The following HIPK1 variants were observed in gnomAD, a reference collection of about 807,000 sequenced individuals.
The protein encoded by HIPK1 is homeodomain interacting protein kinase 1.
HIPK1 carries 28 observed loss-of-function variants against 117.1 expected under a neutral mutation model. The ratio of observed to expected loss-of-function variants is 0.24; its 90% CI spans 0.18 to 0.33. The LOEUF is 0.33. Ranked by LOEUF, HIPK1 falls within the 10% of genes least tolerant of loss-of-function variation. The probability of loss-of-function intolerance (pLI) is 1.00; values close to 1 mark genes in which losing one functional copy is unlikely to be tolerated. For synonymous variants in HIPK1, 605 were observed against 562.5 expected (o/e 1.08, Z -1.07); for missense variants, 1,122 against 1,475.1 (o/e 0.76, Z 3.92).
chr1:113,975,721 G>A lies in HIPK1; in HGVS notation c.*2209G>A, dbSNP rs999561847. On this transcript the variant is annotated 3_prime_UTR_variant, in exon 16 of 16. Transcript: ENST00000426820. Reference sequence around the variant, plus strand: ...AACTCACAGAAAGGTTTCTTAGCTGGTGAAGAATATAGAGAAGGAACCAAA... The same window carrying A: ...AACTCACAGAAAGGTTTCTTAGCTGATGAAGAATATAGAGAAGGAACCAAA... 6.5e-6 allele frequency: 1 copy of A among 152,746 alleles called. No individual in the cohort carries two copies. Among genetic ancestry groups the A allele is most frequent in the Non-Finnish European group, 1.5e-5 (1 of 68,044 alleles). The allele number at this position is 152,746 out of a possible 1,614,324, so 9.5% of individuals were successfully genotyped here.
At chr1:113,930,172 G>A (rs1669767660) in intron 1 of HIPK1, among the ~76,000 whole-genome samples, 1 of 152,222 alleles carries the variant, frequency 6.6e-6, no homozygotes, top group African/African-American at 2.4e-5. Flanking sequence ...GGTTTTCGGG[G>A]CAACTCCCCC....
In HIPK1 at chr1:113,973,068, C is replaced by T. The variant is rs547947532; in HGVS notation, c.3189C>T (p.Ser1063=). 20 of 1,524,146 alleles carry T rather than the reference C, an allele frequency of 1.3e-5. No homozygotes were observed. The highest frequency in any genetic ancestry group is 6.6e-5 in the Admixed American group (3 of 45,672). The allele number at this position is 1,524,146 out of a possible 1,614,324, so 94.4% of individuals were successfully genotyped here. Residue 1063 remains serine (S), a synonymous_variant, in exon 16 of 16, where the codon AGC becomes AGT. Coordinates refer to ENST00000426820, the MANE Select transcript of HIPK1 (RefSeq NM_198268.3). ...SAAPTSQERS[S]NPAPRRQQAF... ...CTCCAACCTCACAGGAGAGAAGCAG[C>T]AACCCAGCCCCCCGCAGGCAGCAGG...
intron 11 of HIPK1, among the ~76,000 whole-genome samples, chr1:113,966,905 C>T (rs1296352053): frequency 1.3e-5 from 2 of 151,464 alleles, no homozygotes; most frequent in Admixed American, 6.6e-5. Flanking sequence ...CTCTTACCAG[C>T]CTCTGGTAAC....
chr1:113,963,524 A>G lies in HIPK1; in HGVS notation c.2238+3A>G. ...TTGAACAGACTGCCGCTGTACTGGT[A>G]ATTCCCCTCACTTGATTGTGTTACT... On this transcript the variant is annotated splice_donor_region_variant and intron_variant, in intron 10 of 15. Coordinates refer to ENST00000426820, the MANE Select transcript of HIPK1 (RefSeq NM_198268.3). The G allele has an allele frequency of 6.2e-7, 1 of 1,609,160 alleles. No homozygotes were observed. Among genetic ancestry groups the G allele is most frequent in the Non-Finnish European group, 8.5e-7 (1 of 1,178,440 alleles).
chr1:113,945,581 G>C (rs1383622006), intron 2 of HIPK1, among the ~76,000 whole-genome samples: 2 of 152,224 alleles, frequency 1.3e-5, no homozygotes, highest in Non-Finnish European at 2.9e-5. Context: ...CATTTGCTAA[G>C]AAGATTGTCC....
chr1:113,932,337 G>A (rs1418246048), intron 1 of HIPK1: 2 of 150,728 alleles, frequency 1.3e-5, no homozygotes, highest in Non-Finnish European at 2.9e-5. Flanking sequence ...ACTCATTAGC[G>A]CTGGGTAAAA....
chr1:113,958,321 T>C, intron 8 of HIPK1, 30 bp downstream of exon 8: 1 of 1,494,346 alleles, frequency 6.7e-7, no homozygotes, highest in Non-Finnish European at 9.3e-7. Flanking sequence ...TATCATATGG[T>C]ATTGTATCAG....
intron 8 of HIPK1, among the ~76,000 whole-genome samples, chr1:113,961,585 A>C (rs1344318211): frequency 1.3e-5 from 2 of 152,220 alleles, no homozygotes; most frequent in African/African-American, 4.8e-5. Context: ...ACTAAAAGTT[A>C]TACTTAAGCC....
chr1:113,929,641 C>T (rs547484163), intron 1 of HIPK1, 109 bp downstream of exon 1: 29 of 1,049,098 alleles, frequency 2.8e-5, no homozygotes, highest in Admixed American at 5.2e-5. Flanking sequence ...ACAACGGCGG[C>T]TGCGGAGCAA....
chr1:113,958,138 C>T lies in HIPK1; in HGVS notation c.1828C>T (p.Leu610=), dbSNP rs1671848779. 6.2e-7 allele frequency: 1 copy of T among 1,614,180 alleles called. No homozygotes were observed. Among genetic ancestry groups the T allele is most frequent in the Non-Finnish European group, 8.5e-7 (1 of 1,180,008 alleles). The change falls in exon 8 of 16, where the codon CTA becomes TTA. Residue 610 remains leucine, a synonymous_variant. Transcript: ENST00000426820. ...LSLANSDVSL[L]NYQSALYPSS... ...TCTGGCTAATTCAGATGTCTCACTA[C>T]TAAACTACCAGTCAGCTTTGTACCC...
At chr1:113,952,922 C>T (rs769499466) in intron 3 of HIPK1, 33 bp downstream of exon 3, 9 of 1,434,668 alleles carry the variant, frequency 6.3e-6, no homozygotes. Context: ...AAATAGAATG[C>T]AAATAGTTAC....
intron 2 of HIPK1, among the ~76,000 whole-genome samples, chr1:113,944,537 G>A (rs1394319471): frequency 8.0e-5 from 12 of 150,002 alleles, no homozygotes; most frequent in Non-Finnish European, 1.6e-4. Context: ...AGGCTGGAGT[G>A]CAGTGGCACA....
chr1:113,957,191 C>A lies in HIPK1; in HGVS notation c.1660C>A (p.Gln554Lys). 1 of 1,613,160 alleles carries A rather than the reference C, an allele frequency of 6.2e-7. No individual in the cohort carries two copies. The highest frequency in any genetic ancestry group is 1.1e-5 in the South Asian group (1 of 91,048). Residue 554 changes from glutamine to lysine, a missense_variant, in exon 7 of 16, where the codon CAG (glutamine) becomes AAG (lysine). By Grantham distance (53) the Gln-to-Lys change is moderately conservative (BLOSUM62 1). Around this residue, in one of 6 missense-constraint regions of HIPK1, gnomAD observed 731 missense variants for 860.4 expected, o/e 0.85. Transcript: ENST00000426820. ...GGTTCACATGTATGATACAGTGAGT[C>A]AGATCAAGAGTCCCTTCACTACACA... Reference protein sequence around the residue: ...RRVHMYDTVSQIKSPFTTHVA... With the variant: ...RRVHMYDTVSKIKSPFTTHVA...
intron 1 of HIPK1, among the ~76,000 whole-genome samples, chr1:113,931,638 AG>A (rs1270276087): frequency 2.0e-5 from 3 of 152,190 alleles, no homozygotes; most frequent in Non-Finnish European, 2.9e-5. Flanking sequence ...TCCTTCTAAA[AG>A]AAAAAAAAAG....
chr1:113,972,054 G>A, intron 15 of HIPK1, 100 bp downstream of exon 15: 1 of 1,612,836 alleles, frequency 6.2e-7, no homozygotes, highest in Non-Finnish European at 8.5e-7. Context: ...GCCAAATGAA[G>A]CCCCTTTTGT....
intron 10 of HIPK1, 102 bp downstream of exon 10, chr1:113,963,623 T>G: frequency 2.8e-6 from 4 of 1,449,208 alleles, no homozygotes; most frequent in Non-Finnish European, 3.7e-6. Flanking sequence ...CTGGTTTATT[T>G]TTCAAAAAAA....
intron 2 of HIPK1, among the ~76,000 whole-genome samples, chr1:113,943,692 C>T (rs1468329900): frequency 1.3e-5 from 2 of 152,186 alleles, no homozygotes; most frequent in Non-Finnish European, 2.9e-5. Flanking sequence ...TAACTTTTTG[C>T]AGAATTACCA....
chr1:113,936,293 C>G (rs1210534570), intron 1 of HIPK1, among the ~76,000 whole-genome samples: 1 of 152,146 alleles, frequency 6.6e-6, no homozygotes, highest in Non-Finnish European at 1.5e-5. Flanking sequence ...TGGATAAGAA[C>G]TATAATCATT....
chr1:113,948,106 T>A (rs1003624993), intron 2 of HIPK1, among the ~76,000 whole-genome samples: 1 of 152,220 alleles, frequency 6.6e-6, no homozygotes, highest in Non-Finnish European at 1.5e-5. Context: ...ATTCACAGTT[T>A]AAAGTATTCA....
Sources: allele counts gnomAD v4.1 joint callset (sites outside exome capture counted in the v4.1 genomes callset), GRCh38; gene constraint gnomAD v4.1.1; regional missense constraint gnomAD v4.1.1; transcripts MANE v1.5; gene names NCBI Gene and HGNC (gene_info 2026-07-23, HGNC 2026-07-21).